The following OCA2 variants were observed in gnomAD, a reference collection of about 807,000 sequenced individuals.
OCA2 encodes the protein OCA2 melanosomal transmembrane protein.
A neutral mutation model predicts 100.2 loss-of-function variants in OCA2; 77 were observed. The observed-to-expected ratio is 0.77, with a 90% confidence interval of 0.64 to 0.93. The LOEUF is 0.93. OCA2 is among the 40% of genes least tolerant of loss of function. The pLI is 0.00. For missense variants in OCA2, 1,062 were observed against 1,089.1 expected (o/e 0.98, Z 0.35); for synonymous variants, 432 against 439.2 (o/e 0.98, Z 0.21).
At chr15:27,861,811 G>A (rs1030432540) in intron 21 of OCA2, among the ~76,000 whole-genome samples, 6 of 152,168 alleles carry the variant, frequency 3.9e-5, no homozygotes, top group African/African-American at 1.4e-4. Flanking sequence ...ATAGGGGAGT[G>A]GCGGGAAGGC....
chr15:27,972,600 G>T (rs1433548067), intron 14 of OCA2, among the ~76,000 whole-genome samples: 1 of 151,984 alleles, frequency 6.6e-6, no homozygotes, highest in Non-Finnish European at 1.5e-5. Context: ...ATTTCCTGAT[G>T]ATTAGTGATG....
At chr15:27,836,274 G>A (rs533512285) in intron 23 of OCA2, among the ~76,000 whole-genome samples, 13 of 152,250 alleles carry the variant, frequency 8.5e-5, no homozygotes, top group Non-Finnish European at 1.6e-4. Context: ...GGGGGTGAGT[G>A]GCTTTAAGTT....
intron 23 of OCA2, among the ~76,000 whole-genome samples, chr15:27,758,373 C>T (rs1230272953): frequency 6.6e-6 from 1 of 152,218 alleles, no homozygotes; most frequent in Non-Finnish European, 1.5e-5. Flanking sequence ...TTGGTGAAGG[C>T]CAAGTGGGAA....
At chr15:27,823,040 A>G (rs2034564589) in intron 23 of OCA2, among the ~76,000 whole-genome samples, 1 of 152,232 alleles carries the variant, frequency 6.6e-6, no homozygotes, top group African/African-American at 2.4e-5. Flanking sequence ...GTACGGAATG[A>G]GGTAGGGATA....
Position 27,929,805 on chromosome 15 carries a change from C to CA in OCA2, c.1952-3552dup, listed in dbSNP as rs1196779835. ...TTAATTCTCAAATTCAACAAGTAAA[C>CA]AACACAATTCAAATGGGAAATATTT... On this transcript the variant is annotated intron_variant, in intron 18 of 23. Coordinates refer to ENST00000354638, the MANE Select transcript of OCA2 (RefSeq NM_000275.3). Among the ~76,000 whole-genome samples the CA allele has an allele frequency of 9.2e-5, 7 of 76,246 alleles. No individual in the cohort carries two copies. The East Asian group carries it at 2.7e-3, about 29-fold the overall frequency. The allele number at this position is 76,246 out of a possible 152,430, so 50.0% of individuals were successfully genotyped here.
intron 6 of OCA2, among the ~76,000 whole-genome samples, chr15:28,020,856 G>A (rs77490758): frequency 0.024 from 3,602 of 152,188 alleles, 145 homozygotes; most frequent in African/African-American, 0.083. Flanking sequence ...GTGTGCCCCC[G>A]GCTCACCAGA....
intron 23 of OCA2, among the ~76,000 whole-genome samples, chr15:27,787,551 T>C (rs2032874265): frequency 6.6e-6 from 1 of 152,034 alleles, no homozygotes. Context: ...CAGAGCGTTC[T>C]TTTATAATAC....
intron 23 of OCA2, among the ~76,000 whole-genome samples, chr15:27,785,526 A>G (rs1040086257): frequency 1.3e-5 from 2 of 152,202 alleles, no homozygotes; most frequent in African/African-American, 2.4e-5. Flanking sequence ...CAAAACCACA[A>G]TGAGATACCA....
intron 23 of OCA2, among the ~76,000 whole-genome samples, chr15:27,842,319 A>G (rs545870956): frequency 4.2e-4 from 64 of 152,356 alleles, no homozygotes; most frequent in Non-Finnish European, 7.5e-4. Flanking sequence ...GGCTATTTCT[A>G]GGTAGCAAAA....
At chr15:27,948,398 T>G (rs1403754701) in intron 18 of OCA2, among the ~76,000 whole-genome samples, 1 of 152,126 alleles carries the variant, frequency 6.6e-6, no homozygotes, top group Non-Finnish European at 1.5e-5. Context: ...AATAAAACCC[T>G]AAGTTCACAG....
At chr15:27,902,773 C>T (rs1488361062) in intron 19 of OCA2, among the ~76,000 whole-genome samples, 1 of 152,232 alleles carries the variant, frequency 6.6e-6, no homozygotes, top group African/African-American at 2.4e-5. Context: ...CAGGGAGATG[C>T]ACCATACGCG....
At chr15:28,095,038 C>A (rs2044946772) in intron 1 of OCA2, among the ~76,000 whole-genome samples, 1 of 152,264 alleles carries the variant, frequency 6.6e-6, no homozygotes, top group Admixed American at 6.5e-5. Context: ...TCCAGGCCTG[C>A]GGGTGTGAAT....
At chr15:27,894,080 A>G (rs2037583918) in intron 19 of OCA2, among the ~76,000 whole-genome samples, 1 of 152,212 alleles carries the variant, frequency 6.6e-6, no homozygotes, top group African/African-American at 2.4e-5. Flanking sequence ...TGTCACCCCC[A>G]GCAGCCCACC....
chr15:28,083,702 G>C (rs920260638), intron 1 of OCA2, among the ~76,000 whole-genome samples: 11 of 151,748 alleles, frequency 7.2e-5, no homozygotes, highest in African/African-American at 2.7e-4. Context: ...TTAGAATAAT[G>C]ACATTAAATA....
intron 19 of OCA2, among the ~76,000 whole-genome samples, chr15:27,889,095 G>T (rs138951012): frequency 6.6e-6 from 1 of 152,176 alleles, no homozygotes; most frequent in Non-Finnish European, 1.5e-5. Context: ...CACATGAAGA[G>T]AAGTTAGAGG....
intron 23 of OCA2, among the ~76,000 whole-genome samples, chr15:27,835,636 G>A (rs765407178): frequency 6.6e-6 from 1 of 152,260 alleles, no homozygotes; most frequent in African/African-American, 2.4e-5. Flanking sequence ...TGGGACAGGT[G>A]ACTTTACCAG....
rs868339542 is a variant in OCA2, at chr15:27,863,981, C to T, written c.2244+7173G>A. Reference sequence around the variant, plus strand: ...CCCTAAATGTGCCACTTGGATTTCACGGGGTGCCATGGAGCTGGGGTCTGG... The same window carrying T: ...CCCTAAATGTGCCACTTGGATTTCATGGGGTGCCATGGAGCTGGGGTCTGG... On this transcript the variant is annotated intron_variant, in intron 21 of 23. Transcript: ENST00000354638. 3.3e-5 allele frequency among the ~76,000 whole-genome samples: 5 copies of T among 152,158 alleles called. No homozygotes were observed. The East Asian group carries it at 7.7e-4, about 24-fold the overall frequency.
chr15:27,986,643 T>G lies in OCA2; in HGVS notation c.1183A>C (p.Met395Leu), dbSNP rs757286784. 4.4e-6 allele frequency: 7 copies of G among 1,574,856 alleles called. No individual in the cohort carries two copies. In the African/African-American group the frequency reaches 9.4e-5, roughly 21 times the overall value. ...FETLALLFGM[M>L]ILVAIFSETG... ...TCTGAAAATATGGCTACTAAGATCA[T>G]CTATGGGGAAAAGAAGAAGACAAGG... Residue 395 changes from methionine to leucine, a missense_variant and splice_region_variant, in exon 12 of 24, where the codon ATG (methionine) becomes CTG (leucine). By Grantham distance (15) the Met-to-Leu change is conservative (BLOSUM62 2). Transcript: ENST00000354638.
intron 2 of OCA2, among the ~76,000 whole-genome samples, chr15:28,045,767 C>A (rs373600109): frequency 5.1e-4 from 77 of 152,306 alleles, no homozygotes; most frequent in African/African-American, 1.8e-3. Context: ...TATTTCTCTC[C>A]AACAAATACT....
Sources: allele counts gnomAD v4.1 joint callset (sites outside exome capture counted in the v4.1 genomes callset), GRCh38; gene constraint gnomAD v4.1.1; transcripts MANE v1.5; gene names NCBI Gene and HGNC (gene_info 2026-07-23, HGNC 2026-07-21).